NEDD4L: variants seen among roughly 807,000 people sequenced by gnomAD.
The protein encoded by NEDD4L is E3 ubiquitin-protein ligase NEDD4-like.
A neutral mutation model predicts 148.9 loss-of-function variants in NEDD4L; 54 were observed. That is an observed-to-expected ratio of 0.36 (90% confidence interval 0.29 to 0.45). The LOEUF is 0.45. NEDD4L is among the 20% of genes least tolerant of loss of function. The pLI is 1.00. For synonymous variants in NEDD4L, 433 were observed against 440.7 expected (o/e 0.98, Z 0.22); for missense variants, 856 against 1,233.8 (o/e 0.69, Z 4.59).
Position 58,265,358 on chromosome 18 carries a change from A to T in NEDD4L, c.297+13304A>T, listed in dbSNP as rs184961089. On this transcript the variant is annotated intron_variant, in intron 5 of 30. Coordinates refer to ENST00000400345, the MANE Select transcript of NEDD4L (RefSeq NM_001144967.3). Reference sequence around the variant, plus strand: ...TCTTTTCCATCAAATGTGGAGTTGGATGAATTCCTTCCTTGCTGGCCTGCC... The same window carrying T: ...TCTTTTCCATCAAATGTGGAGTTGGTTGAATTCCTTCCTTGCTGGCCTGCC... 1.2e-4 allele frequency among the ~76,000 whole-genome samples: 18 copies of T among 152,210 alleles called. 1 individual carries two copies. Among genetic ancestry groups the T allele is most frequent in the Non-Finnish European group, 2.2e-4 (15 of 67,970 alleles).
At chr18:58,243,315 G>A (rs1281618447) in intron 2 of NEDD4L, among the ~76,000 whole-genome samples, 1 of 152,200 alleles carries the variant, frequency 6.6e-6, no homozygotes, top group East Asian at 1.9e-4. Context: ...GAGGTAACAT[G>A]ATCATCAGGC....
intron 1 of NEDD4L, among the ~76,000 whole-genome samples, chr18:58,147,010 T>C (rs962375313): frequency 3.9e-5 from 6 of 152,114 alleles, no homozygotes; most frequent in African/African-American, 1.4e-4. Flanking sequence ...GCAGAGCTCA[T>C]GTAAAGGTGT....
chr18:58,124,680 A>G lies in NEDD4L; in HGVS notation c.49-41108A>G, dbSNP rs534174388. On this transcript the variant is annotated intron_variant, in intron 1 of 30. Coordinates refer to ENST00000400345, the MANE Select transcript of NEDD4L (RefSeq NM_001144967.3). ...CTTCCTGCCCAGATCTGCCTTCACC[A>G]CCACATCCTGCCCACTGTCACTAAA... Among the ~76,000 whole-genome samples, 4 of 152,188 alleles carry G rather than the reference A, an allele frequency of 2.6e-5. No homozygotes were observed. The South Asian group carries it at 8.3e-4, about 32-fold the overall frequency.
intron 1 of NEDD4L, among the ~76,000 whole-genome samples, chr18:58,084,699 G>GTGTGTA (rs1453451002): frequency 6.6e-6 from 1 of 151,540 alleles, no homozygotes; most frequent in Admixed American, 6.6e-5. Flanking sequence ...GTGTGTGTGT[G>GTGTGTA]TGTGTGTGTG....
chr18:58,152,926 G>T (rs1392008868), intron 1 of NEDD4L, among the ~76,000 whole-genome samples: 2 of 152,182 alleles, frequency 1.3e-5, no homozygotes, highest in East Asian at 3.8e-4. Context: ...TCCAGTGTGG[G>T]AAATCTCATG....
Position 58,044,607 on chromosome 18 carries a change from C to T in NEDD4L, c.-54C>T, listed in dbSNP as rs954841431. On this transcript the variant is annotated 5_prime_UTR_variant, in exon 1 of 31. Transcript: ENST00000400345. ...GGCAGAGGGGAGAACCGGCCGTCCGCGCCGCAGCACAGCCGCTGGGAGCGC... is the reference window on the plus strand; with the variant it reads ...GGCAGAGGGGAGAACCGGCCGTCCGTGCCGCAGCACAGCCGCTGGGAGCGC... The T allele has an allele frequency of 2.0e-6, 3 of 1,536,988 alleles. No homozygotes were observed. Among genetic ancestry groups the T allele is most frequent in the Non-Finnish European group, 1.8e-6 (2 of 1,142,540 alleles).
At chr18:58,272,512 C>A (rs557137388) in intron 5 of NEDD4L, among the ~76,000 whole-genome samples, 14 of 152,066 alleles carry the variant, frequency 9.2e-5, no homozygotes, top group African/African-American at 3.1e-4. Context: ...CCTGTAGTCC[C>A]AGCTATTCGG....
At chr18:58,251,008 C>T (rs2047859081) in intron 4 of NEDD4L, among the ~76,000 whole-genome samples, 1 of 152,174 alleles carries the variant, frequency 6.6e-6, no homozygotes, top group African/African-American at 2.4e-5. Context: ...AGGTCTCTCT[C>T]ATGGTTCACA....
intron 1 of NEDD4L, among the ~76,000 whole-genome samples, chr18:58,066,915 G>T (rs774536622): frequency 6.6e-6 from 1 of 152,066 alleles, no homozygotes; most frequent in Non-Finnish European, 1.5e-5. Flanking sequence ...CTTGTACCAG[G>T]CCCCTCCTAC....
intron 5 of NEDD4L, among the ~76,000 whole-genome samples, chr18:58,279,526 G>A (rs2052676757): frequency 6.6e-6 from 1 of 152,182 alleles, no homozygotes; most frequent in Non-Finnish European, 1.5e-5. Context: ...TAGAAATTCG[G>A]TACACGATTG....
chr18:58,140,614 CT>C (rs1471490451), intron 1 of NEDD4L, among the ~76,000 whole-genome samples: 5 of 152,228 alleles, frequency 3.3e-5, no homozygotes, highest in Non-Finnish European at 7.3e-5. Context: ...AGGTTGCTTC[CT>C]TTATAGTAAT....
At chr18:58,272,695 T>C (rs2051232868) in intron 5 of NEDD4L, among the ~76,000 whole-genome samples, 2 of 152,034 alleles carry the variant, frequency 1.3e-5, no homozygotes, top group South Asian at 4.1e-4. Flanking sequence ...TCCAGAAAGT[T>C]TGGTGATTCA....
chr18:58,366,269 A>G lies in NEDD4L; in HGVS notation c.2063+41A>G. On this transcript the variant is annotated intron_variant, in intron 21 of 30. Coordinates refer to ENST00000400345, the MANE Select transcript of NEDD4L (RefSeq NM_001144967.3). The surrounding 1 kb of genome is among the most constrained non-coding windows in gnomAD (Gnocchi z 4.2). ...CACCCAGTGTGTGTCCCCCACTGAG[A>G]CAGTTGTATGAATTTAAACAGAATG... 2 of 1,353,424 alleles carry G rather than the reference A, an allele frequency of 1.5e-6. No individual in the cohort carries two copies. The highest frequency in any genetic ancestry group is 2.0e-6 in the Non-Finnish European group (2 of 986,342). 83.8% of individuals were successfully genotyped at this position (1,353,424 alleles called of 1,614,324 possible).
chr18:58,271,006 G>A (rs2050962456), intron 5 of NEDD4L, among the ~76,000 whole-genome samples: 1 of 152,002 alleles, frequency 6.6e-6, no homozygotes, highest in Admixed American at 6.6e-5. Flanking sequence ...GTAAGATTTG[G>A]ATGTAAGAAT....
intron 2 of NEDD4L, among the ~76,000 whole-genome samples, chr18:58,209,659 A>G (rs930266701): frequency 2.0e-5 from 3 of 151,428 alleles, no homozygotes; most frequent in African/African-American, 7.3e-5. Flanking sequence ...AATGAAGGTA[A>G]AAAGTAAAGA....
At chr18:58,192,740 A>T (rs1302431481) in intron 2 of NEDD4L, among the ~76,000 whole-genome samples, 1 of 152,134 alleles carries the variant, frequency 6.6e-6, no homozygotes, top group East Asian at 1.9e-4. Context: ...TTTATGTCGA[A>T]AGGCACTGTA....
chr18:58,394,802 A>G (rs756611586), intron 30 of NEDD4L, among the ~76,000 whole-genome samples: 2 of 152,356 alleles, frequency 1.3e-5, no homozygotes, highest in East Asian at 1.9e-4. Context: ...GTTAGCTTTT[A>G]GTATATGTGC....
intron 2 of NEDD4L, among the ~76,000 whole-genome samples, chr18:58,172,901 C>G (rs2037680796): frequency 6.6e-6 from 1 of 152,100 alleles, no homozygotes; most frequent in Non-Finnish European, 1.5e-5. Flanking sequence ...ATTAGGGTTC[C>G]TCGAAAACCC....
chr18:58,079,366 C>T (rs1159510064), intron 1 of NEDD4L, among the ~76,000 whole-genome samples: 2 of 152,182 alleles, frequency 1.3e-5, no homozygotes, highest in African/African-American at 2.4e-5. Context: ...GGCGTGGTAA[C>T]AGCAGTGTTC....
Sources: gnomAD v4.1 joint callset for allele counts (sites outside exome capture counted in the v4.1 genomes callset) on GRCh38, gnomAD v4.1.1 for gene constraint, Gnocchi (gnomAD v3.1) non-coding constraint, MANE v1.5 for transcripts, NCBI Gene and HGNC (gene_info 2026-07-23, HGNC 2026-07-21) for gene names.